The following JAG2 variants were observed in gnomAD, a reference collection of about 807,000 sequenced individuals.
JAG2 encodes the protein protein jagged-2.
A neutral mutation model predicts 141.7 loss-of-function variants in JAG2; 46 were observed. The observed-to-expected ratio is 0.32, with a 90% CI of 0.26 to 0.42. The LOEUF is 0.42. Among genes scored for constraint, JAG2 ranks in the 10% least tolerant of loss-of-function variants. JAG2 has a pLI of 1.00. For missense variants in JAG2, 1,500 were observed against 1,817.5 expected, an observed-to-expected ratio of 0.83 and a Z score of 3.18; for synonymous variants, 862 against 763.5, an observed-to-expected ratio of 1.13 and a Z score of -2.13.
intron 2 of JAG2, among the ~76,000 whole-genome samples, chr14:105,159,202 G>A (rs1888660833): frequency 6.6e-6 from 1 of 151,124 alleles, no homozygotes; most frequent in Admixed American, 6.6e-5. Context: ...TGCTGACCCT[G>A]GGCCTCACTC....
chr14:105,163,452 G>A (rs1888816823), intron 2 of JAG2, among the ~76,000 whole-genome samples: 1 of 152,104 alleles, frequency 6.6e-6, no homozygotes, highest in African/African-American at 2.4e-5. Context: ...GAAGACGGTG[G>A]CAGCCAGGGC....
Position 105,149,255 on chromosome 14 carries a change from A to T in JAG2, c.1668T>A (p.Gly556=), listed in dbSNP as rs1229710811. Residue 556 remains glycine (G), a synonymous_variant, in exon 13 of 26, where the codon GGT becomes GGA. Coordinates refer to ENST00000331782, the MANE Select transcript of JAG2 (RefSeq NM_002226.5). ...CATCAGGGCAGGCGCAGTAATAGTC[A>T]CCCTCCAGGTTATAGCAGCGAGCGC... ...RNGARCYNLE[G]DYYCACPDDF... 6.2e-7 allele frequency: 1 copy of T among 1,612,204 alleles called. No individual in the cohort carries two copies. Among genetic ancestry groups the T allele is most frequent in the African/African-American group, 1.3e-5 (1 of 74,800 alleles).
chr14:105,148,550 G>C, intron 15 of JAG2, 111 bp from the exon 16 acceptor site: 1 of 830,444 alleles, frequency 1.2e-6, no homozygotes, highest in Non-Finnish European at 1.9e-6. Context: ...AGGGGCGGGG[G>C]AGGAGCGTCG....
intron 24 of JAG2, among the ~76,000 whole-genome samples, 182 bp downstream of exon 24, chr14:105,144,748 G>C (rs1439081055): frequency 6.6e-6 from 1 of 152,206 alleles, no homozygotes; most frequent in African/African-American, 2.4e-5. Context: ...ATGCTGGCCA[G>C]GCCCAGGGAG....
chr14:105,163,111 GGCCTCCCGCATCA>G lies in JAG2; in HGVS notation c.417+4633_417+4645del, dbSNP rs771606827. ...CGCCCCGACTTGGTTTCTTCTCCTC[GGCCTCCCGCATCA>G]GCCTCCCGCCCCCTACGGAGCACAG... On this transcript the variant is annotated intron_variant, in intron 2 of 25. Coordinates refer to ENST00000331782, the MANE Select transcript of JAG2 (RefSeq NM_002226.5). Among the ~76,000 whole-genome samples the G allele has an allele frequency of 4.3e-4, 65 of 152,090 alleles. 1 individual carries two copies. The highest frequency in any genetic ancestry group is 7.3e-4 in the Non-Finnish European group (50 of 68,028).
rs751655385 is a variant in JAG2 at position 105,154,404 on chromosome 14, G to A, written c.788+1158C>T. ...CTTGCTCACGCACAGTGAGCGCCACGGCTCGAAGCCCGTGCCCACCCCAGA... is the reference window on the plus strand; with the variant it reads ...CTTGCTCACGCACAGTGAGCGCCACAGCTCGAAGCCCGTGCCCACCCCAGA... On this transcript the variant is annotated intron_variant, in intron 5 of 25. Transcript: ENST00000331782. The surrounding 1 kb of genome is among the most constrained non-coding windows in gnomAD (Gnocchi z 4.4). Among the ~76,000 whole-genome samples, 4 of 152,010 alleles carry A rather than the reference G, an allele frequency of 2.6e-5. No individual in the cohort carries two copies. Among genetic ancestry groups the A allele is most frequent in the Non-Finnish European group, 4.4e-5 (3 of 67,984 alleles).
intron 2 of JAG2, among the ~76,000 whole-genome samples, chr14:105,165,086 A>T (rs1888869752): frequency 6.6e-6 from 1 of 152,230 alleles, no homozygotes; most frequent in Non-Finnish European, 1.5e-5. Context: ...CCTCGCTGGC[A>T]GGCAGGCTCC....
rs587602088 is a variant in JAG2, at chr14:105,167,501, C to G, written c.417+256G>C. Among the ~76,000 whole-genome samples the G allele has an allele frequency of 6.7e-6, 1 of 150,006 alleles. No homozygotes were observed. Among genetic ancestry groups the G allele is most frequent in the South Asian group, 2.1e-4 (1 of 4,828 alleles). On this transcript the variant is annotated intron_variant, in intron 2 of 25. Coordinates refer to ENST00000331782, the MANE Select transcript of JAG2 (RefSeq NM_002226.5). This position sits in a 1 kb window ranked among gnomAD's most constrained non-coding sequence, Gnocchi z 4.8. Reference sequence around the variant, plus strand: ...GGGCGACGCAGGCACACGCCGCACACCGCCGCGCACGCGGGACGCCGCCGC... The same window carrying G: ...GGGCGACGCAGGCACACGCCGCACAGCGCCGCGCACGCGGGACGCCGCCGC...
chr14:105,168,175 TG>T, intron 1 of JAG2, 68 bp from the exon 2 acceptor site: 1 of 1,338,046 alleles, frequency 7.5e-7, no homozygotes, highest in South Asian at 1.6e-5. Flanking sequence ...GCGCCAGGGG[TG>T]GGGGAACAGG....
chr14:105,151,410 A>G lies in JAG2; in HGVS notation c.1154-14T>C. The G allele has an allele frequency of 6.2e-7, 1 of 1,606,310 alleles. No individual in the cohort carries two copies. Among genetic ancestry groups the G allele is most frequent in the Admixed American group, 1.7e-5 (1 of 59,954 alleles). ...ACTCATCGATGTCTGCAGAGGGTGG[A>G]GAAAGGTGGGGCCCTGGCAGTGTGA... On this transcript the variant is annotated splice_polypyrimidine_tract_variant and intron_variant, in intron 8 of 25. Transcript: ENST00000331782.
intron 2 of JAG2, among the ~76,000 whole-genome samples, chr14:105,159,015 C>T (rs1888655791): frequency 6.6e-6 from 1 of 151,994 alleles, no homozygotes. Context: ...CCTCATCCAG[C>T]TAAGGACAGG....
At chr14:105,160,992 G>A (rs1888730608) in intron 2 of JAG2, among the ~76,000 whole-genome samples, 1 of 152,234 alleles carries the variant, frequency 6.6e-6, no homozygotes, top group East Asian at 1.9e-4. Context: ...AGAACGCATA[G>A]CCCACGGGGA....
At chr14:105,162,743 A>C (rs1888791564) in intron 2 of JAG2, among the ~76,000 whole-genome samples, 1 of 58,986 alleles carries the variant, frequency 1.7e-5, no homozygotes. Context: ...AGTACACCCC[A>C]CAGCCTTGTG....
chr14:105,144,496 C>T (rs587609791), intron 24 of JAG2, among the ~76,000 whole-genome samples: 1 of 152,288 alleles, frequency 6.6e-6, no homozygotes, highest in South Asian at 2.1e-4. Context: ...ACATTCCCTC[C>T]CCTCTCCGGG....
intron 24 of JAG2, among the ~76,000 whole-genome samples, chr14:105,144,708 G>A (rs1028264925): frequency 6.6e-6 from 1 of 152,114 alleles, no homozygotes; most frequent in Non-Finnish European, 1.5e-5. Flanking sequence ...AGGGGAAGCG[G>A]GCTCCACACC....
In JAG2 at chr14:105,157,722, G is replaced by A. The variant is rs769476086; in HGVS notation, c.459C>T (p.Asn153=). 2.5e-5 allele frequency: 39 copies of A among 1,571,302 alleles called. No homozygotes were observed. The highest frequency in any genetic ancestry group is 1.9e-4 in the East Asian group (8 of 42,152). The stretch of plus-strand genomic sequence containing the variant: ...CTCACTCACCATTCGGGGTGGTATC[G>A]TTGTCCCAGTCCCAGGCCTCCACGA... ...TLIVEAWDWD[N]DTTPNEELLI... The change falls in exon 3 of 26, where the codon AAC becomes AAT. Residue 153 remains asparagine (N), a synonymous_variant. Coordinates refer to ENST00000331782, the MANE Select transcript of JAG2 (RefSeq NM_002226.5).
rs587594251 is a variant in JAG2, at chr14:105,157,661, C to T, written c.475+45G>A. ...GAGGAGCTGGGCCCTGCCACAGGCA[C>T]GCTGAAGCTGAGAGGAGCTGCCACC... On this transcript the variant is annotated intron_variant, in intron 3 of 25. Transcript: ENST00000331782. 47 of 1,518,290 alleles carry T rather than the reference C, an allele frequency of 3.1e-5. No individual in the cohort carries two copies. In the Middle Eastern group the frequency reaches 5.1e-4, roughly 16 times the overall value. 94.1% of individuals were successfully genotyped at this position (1,518,290 alleles called of 1,614,324 possible). A position where few individuals can be genotyped will look rare whatever the true frequency, so the allele number is the denominator to read the frequency against.
chr14:105,150,972 G>A lies in JAG2; in HGVS notation c.1381+19C>T, dbSNP rs374843608. On this transcript the variant is annotated intron_variant, in intron 10 of 25. Coordinates refer to ENST00000331782, the MANE Select transcript of JAG2 (RefSeq NM_002226.5). The stretch of plus-strand genomic sequence containing the variant: ...CATGTGCCTCGGCCCACCCGCCGGC[G>A]CCCACCCCCCATACTGACTGATATG... The A allele has an allele frequency of 7.2e-5, 116 of 1,607,206 alleles. 1 individual carries two copies. Among genetic ancestry groups the A allele is most frequent in the African/African-American group, 4.5e-4 (34 of 74,968 alleles).
At chr14:105,157,397 G>A (rs1888613122) in intron 3 of JAG2, among the ~76,000 whole-genome samples, 1 of 152,088 alleles carries the variant, frequency 6.6e-6, no homozygotes, top group African/African-American at 2.4e-5. Context: ...CAGACAAGCA[G>A]AGGGGGCCAC....
Sources: gnomAD v4.1 joint callset for allele counts (sites outside exome capture counted in the v4.1 genomes callset) on GRCh38, gnomAD v4.1.1 for gene constraint, Gnocchi (gnomAD v3.1) non-coding constraint, MANE v1.5 for transcripts, NCBI Gene and HGNC (gene_info 2026-07-23, HGNC 2026-07-21) for gene names.